RFLNA: variants seen among roughly 807,000 people sequenced by gnomAD.
The protein encoded by RFLNA is refilin A, also known as refilin-A.
In RFLNA, 5 loss-of-function variants were observed where a neutral mutation model predicts 7.8. The observed-to-expected ratio is 0.64, with a 90% CI of 0.34 to 1.35. The LOEUF is 1.35. Ranked by LOEUF, RFLNA falls within the 40% of genes most tolerant of loss-of-function variation. The probability of loss-of-function intolerance (pLI) is 0.04; values close to 1 mark genes in which losing one functional copy is unlikely to be tolerated. For missense variants in RFLNA, 278 were observed against 305.5 expected (o/e 0.91, Z 0.67); for synonymous variants, 141 against 131.3 (o/e 1.07, Z -0.50).
At chr12:124,293,142 G>A (rs1472296523), upstream of RFLNA, among the ~76,000 whole-genome samples, 1 of 152,162 alleles carries the variant, frequency 6.6e-6, no homozygotes, top group Non-Finnish European at 1.5e-5. Flanking sequence ...GGCCAGGCTG[G>A]TCTTAAACTC....
Position 124,306,306 on chromosome 12 carries a change from C to T in RFLNA, c.208-5512C>T, listed in dbSNP as rs144817272. ...CTCCCGTGTCCCCACAGAGGATGCC[C>T]CTAAGACTTGGAGAGGACACTGAGT... On this transcript the variant is annotated intron_variant, in intron 1 of 2. Coordinates refer to ENST00000546355, the MANE Select transcript of RFLNA (RefSeq NM_001365156.1). This position sits in a 1 kb window ranked among gnomAD's most constrained non-coding sequence, Gnocchi z 5.2. 6.6e-6 allele frequency among the ~76,000 whole-genome samples: 1 copy of T among 152,258 alleles called. No individual in the cohort carries two copies. Among genetic ancestry groups the T allele is most frequent in the Non-Finnish European group, 1.5e-5 (1 of 68,004 alleles).
rs1460452237 is a variant in RFLNA, at chr12:124,289,740, G to A, written c.-37+370G>A. On this transcript the variant is annotated intron_variant, in intron 1 of 2. Transcript: ENST00000324038. This position sits in a 1 kb window ranked among gnomAD's most constrained non-coding sequence, Gnocchi z 5.0. ...GAGTCACTGCTGGAGCTCTGTCCAG[G>A]CGTGGACATCTGTGGTACAGCTGGG... is the stretch of plus-strand genomic sequence containing the variant. Among the ~76,000 whole-genome samples, 1 of 152,182 alleles carries A rather than the reference G, an allele frequency of 6.6e-6. No individual in the cohort carries two copies. The highest frequency in any genetic ancestry group is 1.5e-5 in the Non-Finnish European group (1 of 68,020).
intron 1 of RFLNA, among the ~76,000 whole-genome samples, chr12:124,297,691 A>AT (rs11358694): frequency 0.11 from 17,179 of 151,856 alleles, 1,147 homozygotes; most frequent in East Asian, 0.31. Context: ...ACTACCTGTG[A>AT]TTTTTTTTTT....
chr12:124,296,071 C>CTTTTCTTTCT (rs2135671436), intron 1 of RFLNA, among the ~76,000 whole-genome samples: 1 of 112,374 alleles, frequency 8.9e-6, no homozygotes, highest in African/African-American at 4.0e-5. Context: ...ATGTGAAAGC[C>CTTTTCTTTCT]TTTTCTTTCT....
chr12:124,299,232 C>G lies in RFLNA; in HGVS notation c.207+3596C>G, dbSNP rs773387321. On this transcript the variant is annotated intron_variant, in intron 1 of 2. Transcript: ENST00000546355. ...CATTTTGCATCAGTGTAGGGCGTGT[C>G]TCCATGCGGGCAGGGACCTGTCTCC... Among the ~76,000 whole-genome samples the G allele has an allele frequency of 1.2e-4, 18 of 152,254 alleles. 1 individual carries two copies. The highest frequency in any genetic ancestry group is 2.1e-4 in the Non-Finnish European group (14 of 68,050).
At chr12:124,292,151 C>G (rs541237371), upstream of RFLNA, among the ~76,000 whole-genome samples, 2 of 152,208 alleles carry the variant, frequency 1.3e-5, no homozygotes, top group African/African-American at 2.4e-5. Flanking sequence ...ACTTTGGAAG[C>G]GATTTGGATC....
At chr12:124,290,276 ATATG>A (rs1000676775), upstream of RFLNA, among the ~76,000 whole-genome samples, 2 of 152,166 alleles carry the variant, frequency 1.3e-5, no homozygotes, top group African/African-American at 4.8e-5. The surrounding 1 kb of genome is among the most constrained non-coding windows in gnomAD (Gnocchi z 4.0). Flanking sequence ...ACATGTGTGT[ATATG>A]TATGTATGTG....
chr12:124,306,960 G>A lies in RFLNA; in HGVS notation c.208-4858G>A, dbSNP rs369801385. On this transcript the variant is annotated intron_variant, in intron 1 of 2. Coordinates refer to ENST00000546355, the MANE Select transcript of RFLNA (RefSeq NM_001365156.1). This position sits in a 1 kb window ranked among gnomAD's most constrained non-coding sequence, Gnocchi z 5.2. ...CATGGTTATAGGCTTGGCCCTCTGC[G>A]GCCCAGGCACGAGCACCAGTCTGGA... Among the ~76,000 whole-genome samples the A allele has an allele frequency of 3.9e-5, 6 of 152,230 alleles. No homozygotes were observed. In the East Asian group the frequency reaches 5.8e-4, roughly 15 times the overall value.
intron 2 of RFLNA, 111 bp downstream of exon 2, chr12:124,312,038 G>A (rs777509955): frequency 5.9e-5 from 76 of 1,295,438 alleles, no homozygotes; most frequent in Non-Finnish European, 6.6e-5. Context: ...GGGCTCAGGA[G>A]GCTCCCTACC....
chr12:124,308,809 G>A (rs1256731539), intron 1 of RFLNA, among the ~76,000 whole-genome samples: 1 of 152,220 alleles, frequency 6.6e-6, no homozygotes, highest in Non-Finnish European at 1.5e-5. Flanking sequence ...GCAGGCAGTG[G>A]TCATTTGGGG....
In RFLNA at chr12:124,306,310, A is replaced by C. The variant is rs2034136563; in HGVS notation, c.208-5508A>C. Among the ~76,000 whole-genome samples, 1 of 152,162 alleles carries C rather than the reference A, an allele frequency of 6.6e-6. No homozygotes were observed. Among genetic ancestry groups the C allele is most frequent in the African/African-American group, 2.4e-5 (1 of 41,438 alleles). On this transcript the variant is annotated intron_variant, in intron 1 of 2. Coordinates refer to ENST00000546355, the MANE Select transcript of RFLNA (RefSeq NM_001365156.1). The surrounding 1 kb of genome is among the most constrained non-coding windows in gnomAD (Gnocchi z 5.2). ...CGTGTCCCCACAGAGGATGCCCCTA[A>C]GACTTGGAGAGGACACTGAGTTGGC...
upstream of RFLNA, among the ~76,000 whole-genome samples, chr12:124,290,352 GTGTA>G (rs1297113589): frequency 2.0e-5 from 3 of 150,068 alleles, no homozygotes; most frequent in Admixed American, 2.0e-4. This position sits in a 1 kb window ranked among gnomAD's most constrained non-coding sequence, Gnocchi z 4.0. Flanking sequence ...GTGTGCATAT[GTGTA>G]TGTGTGTATT....
At chr12:124,300,623 G>T (rs2034010765) in intron 1 of RFLNA, among the ~76,000 whole-genome samples, 2 of 151,868 alleles carry the variant, frequency 1.3e-5, no homozygotes, top group South Asian at 4.2e-4. Context: ...CAGAAGAATG[G>T]GTGGATGGAT....
chr12:124,304,866 G>A (rs2034111343), intron 1 of RFLNA, among the ~76,000 whole-genome samples: 1 of 152,182 alleles, frequency 6.6e-6, no homozygotes, highest in Non-Finnish European at 1.5e-5. Context: ...CGGGAGAAGG[G>A]CCCTGGGGGT....
chr12:124,294,318 G>C (rs548679035), upstream of RFLNA, among the ~76,000 whole-genome samples: 30 of 152,254 alleles, frequency 2.0e-4, no homozygotes, highest in African/African-American at 7.2e-4. Flanking sequence ...AAAGCAGTCC[G>C]TGGACACCCC....
At chr12:124,309,023 C>T (rs532602606) in intron 1 of RFLNA, among the ~76,000 whole-genome samples, 5 of 152,342 alleles carry the variant, frequency 3.3e-5, no homozygotes, top group South Asian at 2.1e-4. Flanking sequence ...TAGCCCCGTG[C>T]GGCTAGTGGC....
Sources: gnomAD v4.1 joint callset for allele counts (sites outside exome capture counted in the v4.1 genomes callset) on GRCh38, gnomAD v4.1.1 for gene constraint, Gnocchi (gnomAD v3.1) non-coding constraint, MANE v1.5 for transcripts, NCBI Gene and HGNC (gene_info 2026-07-23, HGNC 2026-07-21) for gene names.